The following GABRA3 variants were observed in gnomAD, a reference collection of about 807,000 sequenced individuals.
GABRA3 encodes gamma-aminobutyric acid type A receptor subunit alpha3.
GABRA3 carries 10 observed loss-of-function variants against 30.1 expected under a neutral mutation model. That is an observed-to-expected ratio of 0.33 (90% CI 0.20 to 0.56). The LOEUF (loss-of-function observed/expected upper bound fraction) is 0.56, where lower values mean the gene tolerates loss of function less well. Ranked by LOEUF, GABRA3 falls within the 20% of genes least tolerant of loss-of-function variation. The pLI, the probability that GABRA3 is intolerant of heterozygous loss-of-function variation, is 0.89. For synonymous variants in GABRA3, 151 were observed against 146.8 expected (o/e 1.03, Z -0.21); for missense variants, 233 against 392.0 (o/e 0.59, Z 3.42).
intron 3 of GABRA3, among the ~76,000 whole-genome samples, chrX:152,308,968 C>T (rs1421056663): frequency 8.9e-6 from 1 of 112,323 alleles, no homozygotes; most frequent in Admixed American, 9.4e-5. Context: ...AGCTAAAAAA[C>T]TCACTGTAAG....
chrX:152,293,221 G>T (rs750119208), intron 3 of GABRA3, among the ~76,000 whole-genome samples: 2 of 111,212 alleles, frequency 1.8e-5, no homozygotes, highest in African/African-American at 6.6e-5. Flanking sequence ...CTTCCTTTAT[G>T]AATCTGGGTG....
At chrX:152,412,090 A>T (rs887680475) in intron 1 of GABRA3, among the ~76,000 whole-genome samples, 3 of 112,017 alleles carry the variant, frequency 2.7e-5, no homozygotes, top group Non-Finnish European at 5.6e-5. Flanking sequence ...AACATCATTT[A>T]GCCAACATGA....
chrX:152,342,119 C>T (rs1374431083), intron 3 of GABRA3, among the ~76,000 whole-genome samples: 4 of 112,161 alleles, frequency 3.6e-5, no homozygotes, highest in Non-Finnish European at 7.5e-5. Flanking sequence ...GATCCGCCCA[C>T]CTCAGCCTCT....
rs1442453992 is a variant in GABRA3, at chrX:152,256,112, A to C, written c.331-114T>G. The C allele has an allele frequency of 9.3e-6, 5 of 535,571 alleles. No individual in the cohort carries two copies. In the East Asian group the frequency reaches 1.4e-4, roughly 15 times the overall value. 44.1% of individuals were successfully genotyped at this position (535,571 alleles called of 1,213,427 possible). ...ATTTCCTCTGATGCAGAGAAGCAGC[A>C]GTCTATTAACAGTAGCTCCTGGTGT... On this transcript the variant is annotated intron_variant, in intron 4 of 9. Coordinates refer to ENST00000370314, the MANE Select transcript of GABRA3 (RefSeq NM_000808.4).
rs148967243 is a variant in GABRA3 at position 152,432,501 on chromosome X, G to A, written c.-27+18645C>T. ...TATTATGAACAACTTTAGCCATTAC[G>A]TTCAAAAACTGAAGAAATTGACAAT... On this transcript the variant is annotated intron_variant, in intron 1 of 9. Coordinates refer to ENST00000370314, the MANE Select transcript of GABRA3 (RefSeq NM_000808.4). 4.1e-3 allele frequency among the ~76,000 whole-genome samples: 456 copies of A among 110,987 alleles called. 1 individual carries two copies. The highest frequency in any genetic ancestry group is 0.014 in the African/African-American group (417 of 30,616).
intron 1 of GABRA3, among the ~76,000 whole-genome samples, chrX:152,376,423 ACTTTTT>A (rs965698481): frequency 1.8e-5 from 2 of 110,741 alleles, no homozygotes; most frequent in African/African-American, 6.6e-5. Flanking sequence ...ATTTATCCTT[ACTTTTT>A]CTTTTTGTTT....
chrX:152,374,023 A>G (rs1603250105), intron 1 of GABRA3, among the ~76,000 whole-genome samples: 1 of 111,350 alleles, frequency 9.0e-6, no homozygotes, highest in Non-Finnish European at 1.9e-5. Context: ...AATCCAGTCT[A>G]TCATTGATGG....
chrX:152,367,627 C>T (rs769033786), intron 1 of GABRA3, among the ~76,000 whole-genome samples: 124 of 111,344 alleles, frequency 1.1e-3, no homozygotes, highest in Admixed American at 2.8e-3. Flanking sequence ...AAACTCATAT[C>T]GTAACTCATA....
intron 5 of GABRA3, among the ~76,000 whole-genome samples, chrX:152,238,359 G>T (rs1460843864): frequency 2.0e-5 from 2 of 100,337 alleles, no homozygotes; most frequent in Admixed American, 1.1e-4. Flanking sequence ...GATCATGGTG[G>T]ATAAGCTTTT....
chrX:152,431,201 C>CA (rs1227837640), intron 1 of GABRA3, among the ~76,000 whole-genome samples: 1 of 111,539 alleles, frequency 9.0e-6, no homozygotes, highest in Non-Finnish European at 1.9e-5. Context: ...GTTTTCAACT[C>CA]AAGAGAAACA....
chrX:152,380,073 A>G (rs1271223926), intron 1 of GABRA3, among the ~76,000 whole-genome samples: 1 of 111,781 alleles, frequency 8.9e-6, no homozygotes, highest in Non-Finnish European at 1.9e-5. Context: ...GATGATTAAC[A>G]TATCGATCAC....
intron 3 of GABRA3, among the ~76,000 whole-genome samples, chrX:152,293,380 C>T (rs1379443495): frequency 9.0e-6 from 1 of 110,683 alleles, no homozygotes; most frequent in African/African-American, 3.3e-5. Flanking sequence ...CAAACCCCTG[C>T]TTTTTTTTGT....
intron 8 of GABRA3, among the ~76,000 whole-genome samples, chrX:152,193,806 G>C (rs1250778650): frequency 3.6e-5 from 4 of 111,132 alleles, no homozygotes; most frequent in African/African-American, 1.3e-4. Context: ...AGACCAGCCT[G>C]GCCAACATGG....
intron 5 of GABRA3, among the ~76,000 whole-genome samples, chrX:152,241,359 G>A (rs780677275): frequency 4.4e-5 from 4 of 90,046 alleles, no homozygotes; most frequent in South Asian, 9.6e-4. Flanking sequence ...GCAGTCTGCC[G>A]GTTCTCAGAT....
intron 2 of GABRA3, among the ~76,000 whole-genome samples, chrX:152,356,989 A>G (rs1173598252): frequency 9.0e-6 from 1 of 111,438 alleles, no homozygotes; most frequent in East Asian, 2.8e-4. Context: ...TATCTAATCC[A>G]CTTTAATGAG....
intron 1 of GABRA3, among the ~76,000 whole-genome samples, chrX:152,399,855 G>T (rs73241882): frequency 0.014 from 1,605 of 111,619 alleles, 12 homozygotes; most frequent in Middle Eastern, 0.07. Flanking sequence ...TACAGGAATA[G>T]CTTTGAAGTT....
At chrX:152,301,157 A>G (rs772389960) in intron 3 of GABRA3, among the ~76,000 whole-genome samples, 1 of 112,148 alleles carries the variant, frequency 8.9e-6, no homozygotes, top group Non-Finnish European at 1.9e-5. Context: ...TAGGGGAGCA[A>G]TAATTGGAGA....
At chrX:152,274,394 C>T (rs945935085) in intron 4 of GABRA3, among the ~76,000 whole-genome samples, 3 of 107,199 alleles carry the variant, frequency 2.8e-5, no homozygotes, top group Admixed American at 9.9e-5. Context: ...ACCCCACCCC[C>T]GACAAAAAAA....
intron 6 of GABRA3, among the ~76,000 whole-genome samples, chrX:152,209,189 A>G (rs1937608460): frequency 8.9e-6 from 1 of 112,497 alleles, no homozygotes. Flanking sequence ...TTGCATCAGC[A>G]TTAATGTCAA....
Sources: allele counts gnomAD v4.1 joint callset (sites outside exome capture counted in the v4.1 genomes callset), GRCh38; gene constraint gnomAD v4.1.1; transcripts MANE v1.5; gene names NCBI Gene and HGNC (gene_info 2026-07-23, HGNC 2026-07-21).